CSPP1: variants seen among roughly 807,000 people sequenced by gnomAD.
The protein encoded by CSPP1 is centrosome and spindle pole associated protein 1.
A neutral mutation model predicts 164.4 loss-of-function variants in CSPP1; 126 were observed. The observed-to-expected ratio is 0.77, with a 90% CI of 0.66 to 0.89. CSPP1 has a LOEUF of 0.89. Ranked by LOEUF, CSPP1 falls within the 40% of genes least tolerant of loss-of-function variation. The pLI, the probability that CSPP1 is intolerant of heterozygous loss-of-function variation, is 0.00. For missense variants in CSPP1, 1,395 were observed against 1,449.8 expected, an observed-to-expected ratio of 0.96 and a Z score of 0.61; for synonymous variants, 472 against 476.7, an observed-to-expected ratio of 0.99 and a Z score of 0.13.
At chr8:67,163,859 A>G in intron 23 of CSPP1, 61 bp downstream of exon 23, 1 of 1,310,486 alleles carries the variant, frequency 7.6e-7, no homozygotes. Context: ...TTCATTTTGA[A>G]ATAATTATAA....
chr8:67,185,717 C>T (rs1039962864), intron 28 of CSPP1, among the ~76,000 whole-genome samples: 2 of 152,038 alleles, frequency 1.3e-5, no homozygotes, highest in African/African-American at 4.8e-5. Context: ...AAAAGTAAAA[C>T]TTGCTGCTGC....
At chr8:67,186,504 G>A (rs1368334282) in intron 28 of CSPP1, among the ~76,000 whole-genome samples, 1 of 151,604 alleles carries the variant, frequency 6.6e-6, no homozygotes, top group Non-Finnish European at 1.5e-5. Flanking sequence ...CCCATTTATG[G>A]TAACTCAGCA....
chr8:67,098,496 C>T (rs1240335291), intron 7 of CSPP1, among the ~76,000 whole-genome samples: 1 of 151,656 alleles, frequency 6.6e-6, no homozygotes, highest in Non-Finnish European at 1.5e-5. Context: ...TGTTGCCTTC[C>T]TAAACTCATA....
chr8:67,121,229 A>T (rs1818906169), intron 15 of CSPP1, among the ~76,000 whole-genome samples: 1 of 152,192 alleles, frequency 6.6e-6, no homozygotes, highest in Non-Finnish European at 1.5e-5. Flanking sequence ...AGAAATGGCT[A>T]AAGCGGGCAT....
intron 3 of CSPP1, among the ~76,000 whole-genome samples, chr8:67,077,372 G>A (rs992970575): frequency 4.0e-5 from 6 of 151,162 alleles, no homozygotes; most frequent in Non-Finnish European, 7.4e-5. Flanking sequence ...GTCTGACCCT[G>A]TCGCCCAGGC....
At chr8:67,157,746 T>C (rs999053680) in intron 19 of CSPP1, 1 of 152,260 alleles carries the variant, frequency 6.6e-6, no homozygotes, top group African/African-American at 2.4e-5. Context: ...CCCTGCCTCA[T>C]TCATCGGGCG....
At chr8:67,154,299 T>C (rs939956414) in intron 19 of CSPP1, among the ~76,000 whole-genome samples, 163 bp downstream of exon 19, 4 of 152,180 alleles carry the variant, frequency 2.6e-5, no homozygotes, top group Non-Finnish European at 5.9e-5. Flanking sequence ...AGTTATTTCA[T>C]TTCAAGGAAA....
chr8:67,167,691 C>G (rs2129564405), intron 24 of CSPP1, among the ~76,000 whole-genome samples: 1 of 152,094 alleles, frequency 6.6e-6, no homozygotes, highest in Non-Finnish European at 1.5e-5. Context: ...CTCCTCACAT[C>G]CCAGATGGGG....
At chr8:67,159,898 TTCTTTCTTTC>T (rs1827604708) in intron 21 of CSPP1, among the ~76,000 whole-genome samples, 1 of 69,414 alleles carries the variant, frequency 1.4e-5, no homozygotes. Context: ...CTTTCTTTCT[TTCTTTCTTTC>T]TTTCTTTCTT....
At chr8:67,191,370 T>A (rs990433246) in intron 29 of CSPP1, among the ~76,000 whole-genome samples, 7 of 152,254 alleles carry the variant, frequency 4.6e-5, no homozygotes, top group African/African-American at 1.7e-4. Context: ...GAGCCAAGTA[T>A]GCAGAGACCT....
At chr8:67,190,015 G>A (rs993884993) in intron 28 of CSPP1, among the ~76,000 whole-genome samples, 1 of 152,142 alleles carries the variant, frequency 6.6e-6, no homozygotes, top group African/African-American at 2.4e-5. Flanking sequence ...ATGTAAACAG[G>A]TTGGTAGTTC....
At chr8:67,097,716 A>G (rs1260838425) in intron 7 of CSPP1, among the ~76,000 whole-genome samples, 1 of 151,834 alleles carries the variant, frequency 6.6e-6, no homozygotes, top group Admixed American at 6.6e-5. Flanking sequence ...TATTACTTTT[A>G]TAATTATATC....
chr8:67,094,271 CT>C (rs762941914), intron 6 of CSPP1, among the ~76,000 whole-genome samples: 110 of 121,478 alleles, frequency 9.1e-4, no homozygotes, highest in Middle Eastern at 4.7e-3. Flanking sequence ...TTTATCCTCT[CT>C]TTTTTTTTTT....
chr8:67,111,547 T>C (rs1264394015), intron 9 of CSPP1, among the ~76,000 whole-genome samples: 1 of 152,118 alleles, frequency 6.6e-6, no homozygotes, highest in South Asian at 2.1e-4. Flanking sequence ...CAAGTTATAG[T>C]GAGATTTTGA....
rs189443414 is a variant in CSPP1, at chr8:67,086,470, T to C, written c.303+360T>C. Reference sequence around the variant, plus strand: ...CCCAACTATGTATTAAAATGACATATGGAGTTCTAGTTGCTAATTATTTTC... The same window carrying C: ...CCCAACTATGTATTAAAATGACATACGGAGTTCTAGTTGCTAATTATTTTC... On this transcript the variant is annotated intron_variant, in intron 4 of 30. Coordinates refer to ENST00000678616, the MANE Select transcript of CSPP1 (RefSeq NM_001382391.1). 3.7e-3 allele frequency among the ~76,000 whole-genome samples: 564 copies of C among 152,252 alleles called. 4 individuals are homozygous for C. Among genetic ancestry groups the C allele is most frequent in the South Asian group, 6.2e-3 (30 of 4,834 alleles).
chr8:67,094,515 G>T (rs1238637237), intron 6 of CSPP1, among the ~76,000 whole-genome samples: 1 of 151,600 alleles, frequency 6.6e-6, no homozygotes. Context: ...CTTGTGATCC[G>T]CCTGCCTCGG....
At chr8:67,075,176 GA>G (rs1807652660) in intron 2 of CSPP1, among the ~76,000 whole-genome samples, 1 of 152,212 alleles carries the variant, frequency 6.6e-6, no homozygotes, top group African/African-American at 2.4e-5. Flanking sequence ...TACTTACTGA[GA>G]TTGTGTTAGG....
intron 28 of CSPP1, among the ~76,000 whole-genome samples, chr8:67,181,332 C>G (rs1373628206): frequency 6.7e-6 from 1 of 148,662 alleles, no homozygotes; most frequent in Non-Finnish European, 1.5e-5. Context: ...GCCACTGTAC[C>G]TGGCCATTTT....
intron 16 of CSPP1, among the ~76,000 whole-genome samples, chr8:67,136,515 G>T (rs1822304740): frequency 7.0e-6 from 1 of 142,648 alleles, no homozygotes; most frequent in Non-Finnish European, 1.5e-5. Flanking sequence ...CTTGCAGTGA[G>T]CTGAGATCAC....
Sources: allele counts gnomAD v4.1 joint callset (sites outside exome capture counted in the v4.1 genomes callset), GRCh38; gene constraint gnomAD v4.1.1; transcripts MANE v1.5; gene names NCBI Gene and HGNC (gene_info 2026-07-23, HGNC 2026-07-21).